Variants in COL23A1 observed in about 807,000 individuals in gnomAD.
COL23A1 encodes collagen alpha-1(XXIII) chain.
A neutral mutation model predicts 99.3 loss-of-function variants in COL23A1; 97 were observed. That is an observed-to-expected ratio of 0.98 (90% confidence interval 0.83 to 1.16). COL23A1 has a LOEUF of 1.16. Ranked by LOEUF, COL23A1 falls within the 50% of genes most tolerant of loss-of-function variation. The pLI is 0.00. For synonymous variants in COL23A1, 320 were observed against 308.2 expected, an observed-to-expected ratio of 1.04 and a Z score of -0.40; for missense variants, 762 against 757.4, an observed-to-expected ratio of 1.01 and a Z score of -0.07.
chr5:178,461,422 G>A (rs545242330), intron 2 of COL23A1, among the ~76,000 whole-genome samples: 1 of 152,358 alleles, frequency 6.6e-6, no homozygotes, highest in Non-Finnish European at 1.5e-5. Flanking sequence ...CTCAAACTGG[G>A]CTCTAGCAGT....
At chr5:178,587,572 C>T (rs554190037) in intron 1 of COL23A1, among the ~76,000 whole-genome samples, 2 of 152,224 alleles carry the variant, frequency 1.3e-5, no homozygotes, top group African/African-American at 4.8e-5. Flanking sequence ...ACAAGCTGCC[C>T]GCACACTCAC....
At chr5:178,526,002 G>C (rs1374539321) in intron 2 of COL23A1, among the ~76,000 whole-genome samples, 2 of 152,250 alleles carry the variant, frequency 1.3e-5, no homozygotes, top group African/African-American at 2.4e-5. Context: ...GTAACAGCTT[G>C]AGGTAGTCAG....
In COL23A1 at chr5:178,384,668, T is replaced by C. The variant is rs1013700529; in HGVS notation, c.362-77749A>G. 7.2e-5 allele frequency among the ~76,000 whole-genome samples: 11 copies of C among 152,020 alleles called. No homozygotes were observed. The highest frequency in any genetic ancestry group is 1.5e-4 in the Non-Finnish European group (10 of 67,986). ...GGGCCGGGACTTGGACTCAGATGCG[T>C]CCAGTTTCAGAGCCAGAAGCCTCCT... On this transcript the variant is annotated intron_variant, in intron 2 of 28. Coordinates refer to ENST00000390654, the MANE Select transcript of COL23A1 (RefSeq NM_173465.4). This position sits in a 1 kb window ranked among gnomAD's most constrained non-coding sequence, Gnocchi z 5.5.
intron 2 of COL23A1, among the ~76,000 whole-genome samples, chr5:178,518,788 A>T (rs1275423748): frequency 3.4e-5 from 5 of 148,822 alleles, no homozygotes; most frequent in Non-Finnish European, 7.5e-5. Context: ...AGGCCAAGGC[A>T]GGCGGCTGCT....
chr5:178,479,718 A>G (rs1050748842), intron 2 of COL23A1, among the ~76,000 whole-genome samples: 23 of 152,260 alleles, frequency 1.5e-4, no homozygotes, highest in Admixed American at 7.2e-4. Flanking sequence ...AGGAAGGAAA[A>G]AAAAGCCCTA....
intron 2 of COL23A1, among the ~76,000 whole-genome samples, chr5:178,440,566 C>T (rs1221737953): frequency 5.3e-5 from 8 of 151,690 alleles, no homozygotes; most frequent in African/African-American, 1.9e-4. Context: ...AAAGAGAATG[C>T]GGTGTATACA....
Position 178,332,288 on chromosome 5 carries a change from C to G in COL23A1, c.362-25369G>C, listed in dbSNP as rs556351083. On this transcript the variant is annotated intron_variant, in intron 2 of 28. Transcript: ENST00000390654. Reference sequence around the variant, plus strand: ...GCACATTTCCCTGCTGCCTTGGCTGCTAGGATGCAGGTGTGATTTACGGTC... The same window carrying G: ...GCACATTTCCCTGCTGCCTTGGCTGGTAGGATGCAGGTGTGATTTACGGTC... Among the ~76,000 whole-genome samples, 33 of 152,276 alleles carry G rather than the reference C, an allele frequency of 2.2e-4. No individual in the cohort carries two copies. The East Asian group carries it at 5.8e-3, about 27-fold the overall frequency.
chr5:178,576,322 T>C (rs1763355261), intron 1 of COL23A1, among the ~76,000 whole-genome samples: 1 of 152,238 alleles, frequency 6.6e-6, no homozygotes, highest in East Asian at 1.9e-4. Context: ...CACTGCAACC[T>C]CCGCCTCCCG....
At chr5:178,298,635 C>A (rs1757873929) in intron 3 of COL23A1, among the ~76,000 whole-genome samples, 1 of 152,170 alleles carries the variant, frequency 6.6e-6, no homozygotes. Flanking sequence ...CCTGATTGAG[C>A]CTCTCTTCCT....
At chr5:178,357,800 G>C (rs535465196) in intron 2 of COL23A1, among the ~76,000 whole-genome samples, 149 of 150,088 alleles carry the variant, frequency 9.9e-4, no homozygotes, top group African/African-American at 3.6e-3. Flanking sequence ...GTGTGTATGT[G>C]TGTGTGTATG....
At chr5:178,517,706 C>G (rs1759616958) in intron 2 of COL23A1, among the ~76,000 whole-genome samples, 2 of 148,752 alleles carry the variant, frequency 1.3e-5, no homozygotes, top group African/African-American at 4.9e-5. Context: ...GGATTACAGG[C>G]ACGTGCCACC....
At chr5:178,345,077 G>A in intron 2 of COL23A1, 1 of 587,482 alleles carries the variant, frequency 1.7e-6, no homozygotes, top group Non-Finnish European at 3.3e-6. Context: ...AGAAGCTTTT[G>A]GTTCATCTCT....
At position 178,439,373 on chromosome 5, in the gene COL23A1, C is replaced by T. The variant is rs1008702317; in HGVS notation, c.361+121309G>A. On this transcript the variant is annotated intron_variant, in intron 2 of 28. Transcript: ENST00000390654. This position sits in a 1 kb window ranked among gnomAD's most constrained non-coding sequence, Gnocchi z 4.2. ...AAAGTCTCTGTGGCTCCTGCTCCTTCCATGCCAGACCCTGTTGAACACATC... is the reference window on the plus strand; with the variant it reads ...AAAGTCTCTGTGGCTCCTGCTCCTTTCATGCCAGACCCTGTTGAACACATC... 6.6e-6 allele frequency: 1 copy of T among 152,238 alleles called. No individual in the cohort carries two copies. 9.4% of individuals were successfully genotyped at this position (152,238 alleles called of 1,614,324 possible).
chr5:178,493,419 T>A (rs1581498422), intron 2 of COL23A1, among the ~76,000 whole-genome samples: 1 of 152,364 alleles, frequency 6.6e-6, no homozygotes, highest in Non-Finnish European at 1.5e-5. Context: ...AGGGTGCCGC[T>A]GGCAAGTAGG....
chr5:178,357,391 C>T (rs959997710), intron 2 of COL23A1, among the ~76,000 whole-genome samples: 35 of 152,240 alleles, frequency 2.3e-4, no homozygotes, highest in African/African-American at 8.2e-4. Flanking sequence ...GCTGGGGCCG[C>T]ACAGCCTCGA....
chr5:178,489,742 C>T (rs768670643), intron 2 of COL23A1, among the ~76,000 whole-genome samples: 2 of 152,178 alleles, frequency 1.3e-5, no homozygotes, highest in African/African-American at 2.4e-5. Context: ...CACCTCACCA[C>T]GGGATGCAGC....
At chr5:178,314,019 C>T in intron 2 of COL23A1, among the ~76,000 whole-genome samples, 1 of 152,050 alleles carries the variant, frequency 6.6e-6, no homozygotes, top group East Asian at 1.9e-4. Flanking sequence ...AGCCCTCTGT[C>T]CCTTGGAGGA....
chr5:178,566,403 G>A (rs933017815), intron 1 of COL23A1, among the ~76,000 whole-genome samples: 4 of 152,244 alleles, frequency 2.6e-5, no homozygotes, highest in Non-Finnish European at 5.9e-5. Context: ...GGATGCTGGA[G>A]AAACCCAGGC....
intron 2 of COL23A1, among the ~76,000 whole-genome samples, chr5:178,381,093 C>T (rs1223910081): frequency 6.6e-6 from 1 of 152,248 alleles, no homozygotes; most frequent in Non-Finnish European, 1.5e-5. Flanking sequence ...GAGGGTCTGG[C>T]ATGGCCACAG....
Sources: gnomAD v4.1 joint callset for allele counts (sites outside exome capture counted in the v4.1 genomes callset) on GRCh38, gnomAD v4.1.1 for gene constraint, Gnocchi (gnomAD v3.1) non-coding constraint, MANE v1.5 for transcripts, NCBI Gene and HGNC (gene_info 2026-07-23, HGNC 2026-07-21) for gene names.